The following NALF1 variants were observed in gnomAD, a reference collection of about 807,000 sequenced individuals.
NALF1 encodes the protein NALCN channel auxiliary factor 1.
In NALF1, 3 loss-of-function variants were observed where a neutral mutation model predicts 48.4. The ratio of observed to expected loss-of-function variants is 0.06; its 90% CI spans 0.03 to 0.16. NALF1 has a LOEUF of 0.16. Ranked by LOEUF, NALF1 falls within the 10% of genes least tolerant of loss-of-function variation. The pLI, the probability that NALF1 is intolerant of heterozygous loss-of-function variation, is 1.00. For synonymous variants in NALF1, 262 were observed against 245.7 expected (o/e 1.07, Z -0.62); for missense variants, 526 against 571.5 (o/e 0.92, Z 0.81).
intron 1 of NALF1, among the ~76,000 whole-genome samples, chr13:107,736,411 T>C (rs891295835): frequency 2.6e-5 from 4 of 152,156 alleles, no homozygotes; most frequent in African/African-American, 9.7e-5. Flanking sequence ...CTGCTGTCAG[T>C]AGGTTTCCCT....
At chr13:107,709,166 G>A (rs1470468813) in intron 1 of NALF1, among the ~76,000 whole-genome samples, 1 of 152,224 alleles carries the variant, frequency 6.6e-6, no homozygotes, top group Admixed American at 6.5e-5. Context: ...AAATGAAGTA[G>A]TGTAGAGTCC....
chr13:107,547,302 C>A (rs932379978), intron 1 of NALF1, among the ~76,000 whole-genome samples: 1 of 152,024 alleles, frequency 6.6e-6, no homozygotes, highest in Non-Finnish European at 1.5e-5. Flanking sequence ...AAACTGAAAT[C>A]CAGAAAAATT....
chr13:107,865,641 A>AGGAAAGTGCAGGAAAGGG (rs1299759789), intron 1 of NALF1, 41 bp downstream of exon 1: 5 of 1,585,470 alleles, frequency 3.2e-6, no homozygotes, highest in Non-Finnish European at 4.3e-6. Flanking sequence ...AAGCAGAGAT[A>AGGAAAGTGCAGGAAAGGG]GGAAAGTGCA....
At chr13:107,315,117 C>G (rs1356993373) in intron 1 of NALF1, among the ~76,000 whole-genome samples, 1 of 152,032 alleles carries the variant, frequency 6.6e-6, no homozygotes, top group African/African-American at 2.4e-5. Context: ...GACCTTTTCC[C>G]TCATATTGGC....
intron 1 of NALF1, among the ~76,000 whole-genome samples, chr13:107,259,920 A>G (rs1165743541): frequency 6.6e-6 from 1 of 152,202 alleles, no homozygotes; most frequent in Non-Finnish European, 1.5e-5. Flanking sequence ...GAGAGCAAGC[A>G]CTATGTCTAT....
rs535003607 is a variant in NALF1, at chr13:107,555,359, G to A, written c.915+310323C>T. 1.5e-3 allele frequency among the ~76,000 whole-genome samples: 229 copies of A among 150,836 alleles called. 2 individuals are homozygous for A. Among genetic ancestry groups the A allele is most frequent in the Non-Finnish European group, 3.0e-3 (200 of 67,792 alleles). ...GGGGTCTCAGCTCACTGCAACCTCCGCCTCCCGGGTTCAAGAAATTCTCCT... is the reference window on the plus strand; with the variant it reads ...GGGGTCTCAGCTCACTGCAACCTCCACCTCCCGGGTTCAAGAAATTCTCCT... On this transcript the variant is annotated intron_variant, in intron 1 of 2. Transcript: ENST00000375915.
At chr13:107,864,689 T>C (rs1363547026) in intron 1 of NALF1, among the ~76,000 whole-genome samples, 2 of 152,206 alleles carry the variant, frequency 1.3e-5, no homozygotes, top group Non-Finnish European at 2.9e-5. Context: ...GTCACTGCAG[T>C]ATCTTCATCT....
intron 1 of NALF1, among the ~76,000 whole-genome samples, chr13:107,783,827 C>A (rs897016465): frequency 1.3e-5 from 2 of 150,316 alleles, no homozygotes; most frequent in Admixed American, 1.3e-4. Flanking sequence ...CCTGCCAAAT[C>A]CCTCTCTGTG....
chr13:107,696,099 T>C (rs1440944722), intron 1 of NALF1, among the ~76,000 whole-genome samples: 1 of 152,140 alleles, frequency 6.6e-6, no homozygotes, highest in Non-Finnish European at 1.5e-5. Flanking sequence ...GTTTGCACAA[T>C]GTTGGCCAGG....
At chr13:107,819,274 G>A (rs995451098) in intron 1 of NALF1, among the ~76,000 whole-genome samples, 1 of 152,100 alleles carries the variant, frequency 6.6e-6, no homozygotes, top group African/African-American at 2.4e-5. Flanking sequence ...TGTTTACCCT[G>A]GACTCCCAAT....
At chr13:107,787,384 G>A (rs1320301385) in intron 1 of NALF1, among the ~76,000 whole-genome samples, 1 of 152,128 alleles carries the variant, frequency 6.6e-6, no homozygotes, top group African/African-American at 2.4e-5. Context: ...TTTATTTAAA[G>A]ATACAAACTT....
chr13:107,560,665 G>A (rs1437882752), intron 1 of NALF1, among the ~76,000 whole-genome samples: 2 of 152,016 alleles, frequency 1.3e-5, no homozygotes, highest in Non-Finnish European at 2.9e-5. Context: ...TCACATACAA[G>A]CACACATGCA....
intron 1 of NALF1, among the ~76,000 whole-genome samples, chr13:107,530,653 G>C (rs942360): frequency 0.74 from 111,488 of 151,474 alleles, 41,452 homozygotes; most frequent in Middle Eastern, 0.83. Flanking sequence ...AGCCCAGCAG[G>C]TACTACATGA....
intron 1 of NALF1, among the ~76,000 whole-genome samples, chr13:107,213,230 C>CAAAAAAAAAAAAAA (rs386380636): frequency 1.2e-4 from 12 of 103,378 alleles, no homozygotes; most frequent in South Asian, 4.0e-4. Flanking sequence ...TTTTTTAACT[C>CAAAAAAAAAAAAAA]AAAAAAAAAA....
At chr13:107,504,197 G>A (rs1445161322) in intron 1 of NALF1, among the ~76,000 whole-genome samples, 3 of 149,574 alleles carry the variant, frequency 2.0e-5, no homozygotes, top group Non-Finnish European at 4.4e-5. Flanking sequence ...GTTTCAGTGA[G>A]CTGAGATTGC....
intron 1 of NALF1, among the ~76,000 whole-genome samples, chr13:107,649,424 A>C (rs978500996): frequency 1.3e-5 from 2 of 152,192 alleles, no homozygotes; most frequent in African/African-American, 4.8e-5. Flanking sequence ...TTTAAGATGT[A>C]CTGGCTATGC....
chr13:107,839,049 G>T (rs868594794), intron 1 of NALF1, among the ~76,000 whole-genome samples: 24 of 152,134 alleles, frequency 1.6e-4, no homozygotes, highest in Admixed American at 5.9e-4. Flanking sequence ...CTCAGACAGT[G>T]AGGATACATG....
At position 107,427,569 on chromosome 13, in the gene NALF1, G is replaced by GA. The variant is rs1407367217; in HGVS notation, c.916-216815dup. ...CAAGTGAGTTAACTTTTCATGGGAAGAAAAAAAGAAATTAAGGTTGCAAAA... is the reference window on the plus strand; with the variant it reads ...CAAGTGAGTTAACTTTTCATGGGAAGAAAAAAAAGAAATTAAGGTTGCAAAA... On this transcript the variant is annotated intron_variant, in intron 1 of 2. Transcript: ENST00000375915. Among the ~76,000 whole-genome samples, 3 of 151,918 alleles carry GA rather than the reference G, an allele frequency of 2.0e-5. No homozygotes were observed. In the South Asian group the frequency reaches 6.2e-4, roughly 32 times the overall value.
chr13:107,638,187 T>TATATATATATATATATATATATATATATA (rs1880037753), intron 1 of NALF1, among the ~76,000 whole-genome samples: 1 of 53,088 alleles, frequency 1.9e-5, no homozygotes, highest in African/African-American at 4.4e-5. Flanking sequence ...ATATAAAGAT[T>TATATATATATATATATATATATATATATA]TATATATATA....
Sources: gnomAD v4.1 joint callset for allele counts (sites outside exome capture counted in the v4.1 genomes callset) on GRCh38, gnomAD v4.1.1 for gene constraint, MANE v1.5 for transcripts, NCBI Gene and HGNC (gene_info 2026-07-23, HGNC 2026-07-21) for gene names.